The following RAB6A variants were observed in gnomAD, a reference collection of about 807,000 sequenced individuals.
RAB6A encodes ras-related protein Rab-6A.
Under a neutral mutation model 32.3 loss-of-function variants are expected in RAB6A, and 8 were observed. The ratio of observed to expected loss-of-function variants is 0.25; its 90% CI spans 0.15 to 0.45. RAB6A has a LOEUF of 0.45. RAB6A is among the 20% of genes least tolerant of loss of function. RAB6A has a pLI of 1.00. For synonymous variants in RAB6A, 73 were observed against 82.1 expected, an observed-to-expected ratio of 0.89 and a Z score of 0.60; for missense variants, 104 against 249.4, an observed-to-expected ratio of 0.42 and a Z score of 3.93.
intron 2 of RAB6A, among the ~76,000 whole-genome samples, chr11:73,726,782 T>TA (rs914417113): frequency 6.6e-6 from 1 of 150,782 alleles, no homozygotes; most frequent in Non-Finnish European, 1.5e-5. Flanking sequence ...AAATTATTTT[T>TA]AAAAAATGAA....
chr11:73,746,994 G>C (rs890335279), intron 1 of RAB6A, among the ~76,000 whole-genome samples: 1 of 152,078 alleles, frequency 6.6e-6, no homozygotes, highest in African/African-American at 2.4e-5. Flanking sequence ...GGAGTGTGGT[G>C]GTGCAATCTC....
intron 3 of RAB6A, chr11:73,718,980 G>A (rs1946094660): frequency 1.6e-6 from 2 of 1,224,882 alleles, no homozygotes; most frequent in Non-Finnish European, 1.1e-6. Flanking sequence ...AAAGGGAGAG[G>A]GTGGGAAGGA....
intron 6 of RAB6A, among the ~76,000 whole-genome samples, chr11:73,707,125 GA>G (rs397744539): frequency 0.031 from 3,562 of 116,322 alleles, 99 homozygotes; most frequent in African/African-American, 0.1. Context: ...TCTCAAAAAA[GA>G]AAAAAAAAAA....
intron 2 of RAB6A, among the ~76,000 whole-genome samples, chr11:73,724,375 T>C (rs1005371558): frequency 1.1e-4 from 17 of 152,194 alleles, no homozygotes; most frequent in African/African-American, 3.9e-4. Flanking sequence ...CAGTACTCTC[T>C]TCCTTCTCTG....
Position 73,677,728 on chromosome 11 carries a change from G to C in RAB6A, c.*170C>G. The C allele has an allele frequency of 2.8e-6, 4 of 1,444,284 alleles. No homozygotes were observed. Among genetic ancestry groups the C allele is most frequent in the Non-Finnish European group, 2.8e-6 (3 of 1,077,830 alleles). 89.5% of individuals were successfully genotyped at this position (1,444,284 alleles called of 1,614,324 possible). A position where few individuals can be genotyped will look rare whatever the true frequency, so the allele number is the denominator to read the frequency against. ...AATAATGAAGACACTGACTTTTGTT[G>C]TGCTTGTGAAGCTAATAGATCATCT... On this transcript the variant is annotated 3_prime_UTR_variant, in exon 8 of 8. Coordinates refer to ENST00000336083, the MANE Select transcript of RAB6A (RefSeq NM_198896.2).
rs186725471 is a variant in RAB6A, at chr11:73,710,834, G to A, written c.402-3321C>T. Among the ~76,000 whole-genome samples, 281 of 151,346 alleles carry A rather than the reference G, an allele frequency of 1.9e-3. 2 individuals carry two copies. The highest frequency in any genetic ancestry group is 6.7e-3 in the African/African-American group (276 of 41,212). ...CAGGATTGTAGCTCACTGTAACCTCGAACTCCTGACCTCAAATGATCCTTC... is the reference window on the plus strand; with the variant it reads ...CAGGATTGTAGCTCACTGTAACCTCAAACTCCTGACCTCAAATGATCCTTC... On this transcript the variant is annotated intron_variant, in intron 5 of 7. Coordinates refer to ENST00000336083, the MANE Select transcript of RAB6A (RefSeq NM_198896.2).
At chr11:73,685,449 G>A (rs906181190) in intron 6 of RAB6A, among the ~76,000 whole-genome samples, 10 of 151,094 alleles carry the variant, frequency 6.6e-5, no homozygotes, top group East Asian at 3.9e-4. Context: ...TGCCACACCC[G>A]GCAAATTTTT....
At position 73,715,975 on chromosome 11, in the gene RAB6A, C is replaced by A. The variant is rs193147915; in HGVS notation, c.401+276G>T. On this transcript the variant is annotated intron_variant, in intron 5 of 7. Transcript: ENST00000336083. ...AAAACACTTTTCATACTTATGAGAT[C>A]TAAAAAAAGCAAAATATTTACTGGC... Among the ~76,000 whole-genome samples, 299 of 152,238 alleles carry A rather than the reference C, an allele frequency of 2.0e-3. 1 individual carries two copies. The highest frequency in any genetic ancestry group is 6.7e-3 in the African/African-American group (278 of 41,532).
intron 6 of RAB6A, among the ~76,000 whole-genome samples, chr11:73,690,604 G>GA (rs1945536419): frequency 7.0e-6 from 1 of 143,842 alleles, no homozygotes; most frequent in Non-Finnish European, 1.5e-5. Context: ...ATTTAAAACT[G>GA]AAAATAAAAC....
chr11:73,731,731 T>TACATACAC (rs1946315284), intron 1 of RAB6A, among the ~76,000 whole-genome samples: 1 of 16,988 alleles, frequency 5.9e-5, no homozygotes. Context: ...TATATATATA[T>TACATACAC]ACACACACAC....
At chr11:73,728,933 GT>G (rs1372369495) in intron 2 of RAB6A, among the ~76,000 whole-genome samples, 4 of 151,688 alleles carry the variant, frequency 2.6e-5, no homozygotes, top group Non-Finnish European at 4.4e-5. Context: ...TATGTGGGCA[GT>G]TTTTTTTATT....
chr11:73,706,843 G>C (rs1388737618), intron 6 of RAB6A, among the ~76,000 whole-genome samples: 1 of 152,048 alleles, frequency 6.6e-6, no homozygotes, highest in Non-Finnish European at 1.5e-5. Flanking sequence ...TTTACCGGCC[G>C]GGCATGGTGG....
intron 6 of RAB6A, among the ~76,000 whole-genome samples, chr11:73,688,324 G>A (rs1442443575): frequency 1.3e-5 from 2 of 152,264 alleles, no homozygotes; most frequent in East Asian, 1.9e-4. Context: ...TGGGTCAGTA[G>A]GGCTGTGCAG....
At chr11:73,740,080 AAGAG>A (rs1301286994) in intron 1 of RAB6A, among the ~76,000 whole-genome samples, 2 of 151,956 alleles carry the variant, frequency 1.3e-5, no homozygotes, top group African/African-American at 4.8e-5. Context: ...AAAAAAAAAA[AAGAG>A]AGGACTCAAT....
At chr11:73,747,800 G>A (rs1268502542) in intron 1 of RAB6A, among the ~76,000 whole-genome samples, 1 of 152,114 alleles carries the variant, frequency 6.6e-6, no homozygotes, top group Non-Finnish European at 1.5e-5. Context: ...ATTTGGATTT[G>A]TCTGATGTTT....
intron 2 of RAB6A, among the ~76,000 whole-genome samples, chr11:73,724,591 A>C (rs932464554): frequency 1.4e-5 from 2 of 144,842 alleles, no homozygotes; most frequent in Non-Finnish European, 3.0e-5. Context: ...GGTTCACGCC[A>C]TTCTCCTGCC....
chr11:73,713,743 C>A (rs1315146064), intron 5 of RAB6A, among the ~76,000 whole-genome samples: 2 of 152,044 alleles, frequency 1.3e-5, no homozygotes, highest in Admixed American at 6.6e-5. Context: ...AAAATTAAGT[C>A]TTTTACCCAT....
At chr11:73,715,360 G>A (rs553551232) in intron 5 of RAB6A, among the ~76,000 whole-genome samples, 1 of 152,224 alleles carries the variant, frequency 6.6e-6, no homozygotes, top group East Asian at 1.9e-4. Context: ...TCCTGACCTC[G>A]TGTTCCACCG....
At chr11:73,701,705 G>A (rs1438936815) in intron 6 of RAB6A, among the ~76,000 whole-genome samples, 1 of 152,110 alleles carries the variant, frequency 6.6e-6, no homozygotes, top group African/African-American at 2.4e-5. Flanking sequence ...TCAGGCTGGA[G>A]TGCAGTGGTG....
Sources: gnomAD v4.1 joint callset for allele counts (sites outside exome capture counted in the v4.1 genomes callset) on GRCh38, gnomAD v4.1.1 for gene constraint, MANE v1.5 for transcripts, NCBI Gene and HGNC (gene_info 2026-07-23, HGNC 2026-07-21) for gene names.